ZNF420: variants seen among roughly 807,000 people sequenced by gnomAD.
ZNF420 encodes zinc finger protein 420.
In ZNF420, 31 loss-of-function variants were observed where a neutral mutation model predicts 44.7. The ratio of observed to expected loss-of-function variants is 0.69; its 90% confidence interval spans 0.52 to 0.94. ZNF420 has a LOEUF of 0.94. Among genes scored for constraint, ZNF420 ranks in the 40% least tolerant of loss-of-function variants. The pLI, the probability that ZNF420 is intolerant of heterozygous loss-of-function variation, is 0.00. For synonymous variants in ZNF420, 245 were observed against 267.4 expected (o/e 0.92, Z 0.82); for missense variants, 681 against 827.9 (o/e 0.82, Z 2.18).
At chr19:37,062,314 A>T (rs536067755) in intron 1 of ZNF420, among the ~76,000 whole-genome samples, 1 of 152,318 alleles carries the variant, frequency 6.6e-6, no homozygotes, top group East Asian at 1.9e-4. Flanking sequence ...AAAAGACATT[A>T]TATTTAAGAG....
At chr19:37,094,197 G>A (rs555823921) in intron 4 of ZNF420, among the ~76,000 whole-genome samples, 1 of 152,014 alleles carries the variant, frequency 6.6e-6, no homozygotes, top group Non-Finnish European at 1.5e-5. Flanking sequence ...TTTTTTAATT[G>A]AATGTTCACT....
At chr19:37,117,475 C>G (rs944604818) in intron 4 of ZNF420, among the ~76,000 whole-genome samples, 1 of 152,120 alleles carries the variant, frequency 6.6e-6, no homozygotes, top group Non-Finnish European at 1.5e-5. Flanking sequence ...ATCTGTACGT[C>G]ACCATCATCA....
At chr19:37,013,311 G>A (rs750247033) in intron 1 of ZNF420, among the ~76,000 whole-genome samples, 55 of 152,224 alleles carry the variant, frequency 3.6e-4, no homozygotes, top group Non-Finnish European at 7.2e-4. Context: ...GGCGCCTGTC[G>A]GCCTTGCCAA....
chr19:37,017,254 G>T lies in ZNF420; in HGVS notation c.-125+9172G>T, dbSNP rs573894965. Among the ~76,000 whole-genome samples, 5 of 152,286 alleles carry T rather than the reference G, an allele frequency of 3.3e-5. No individual in the cohort carries two copies. The South Asian group carries it at 1.0e-3, about 32-fold the overall frequency. On this transcript the variant is annotated intron_variant, in intron 1 of 4. Coordinates refer to the ZNF420 transcript ENST00000587029. ...GTGATTGGTGTCTGAAGTGAGAGTA[G>T]TCTTGTGGGACTGAGCCCCTGGCCT... is the stretch of plus-strand genomic sequence containing the variant.
chr19:37,049,872 C>T (rs1265360797), intron 1 of ZNF420, among the ~76,000 whole-genome samples: 6 of 152,078 alleles, frequency 3.9e-5, no homozygotes, highest in Non-Finnish European at 8.8e-5. Flanking sequence ...GTCTTCAATC[C>T]ATCTTGAATT....
intron 1 of ZNF420, among the ~76,000 whole-genome samples, chr19:37,013,781 G>T (rs1224349576): frequency 6.6e-6 from 1 of 152,164 alleles, no homozygotes; most frequent in Non-Finnish European, 1.5e-5. Context: ...GCCTTCTCTG[G>T]TTTCCAAAAT....
At chr19:37,027,923 A>C (rs951618679) in intron 1 of ZNF420, among the ~76,000 whole-genome samples, 4 of 152,188 alleles carry the variant, frequency 2.6e-5, no homozygotes, top group African/African-American at 9.7e-5. Context: ...TAAGTTTTCA[A>C]CTTATTTGGG....
chr19:37,090,213 A>C (rs1387099814), intron 3 of ZNF420, among the ~76,000 whole-genome samples: 2 of 152,212 alleles, frequency 1.3e-5, no homozygotes, highest in Non-Finnish European at 2.9e-5. Context: ...TGCAGAAAAT[A>C]TGTGTAGCAG....
intron 1 of ZNF420, among the ~76,000 whole-genome samples, chr19:37,059,792 CTT>C (rs759239396): frequency 2.0e-5 from 3 of 151,758 alleles, no homozygotes; most frequent in African/African-American, 2.4e-5. Context: ...GTCTCTGTCT[CTT>C]TCTCTCTCTC....
chr19:37,029,338 C>G (rs1001298960), intron 1 of ZNF420, among the ~76,000 whole-genome samples: 5 of 152,112 alleles, frequency 3.3e-5, no homozygotes, highest in Middle Eastern at 3.2e-3. Flanking sequence ...AATGCAAAGT[C>G]CTAATCAAAG....
chr19:37,073,182 G>C (rs1968087681), intron 1 of ZNF420, among the ~76,000 whole-genome samples: 2 of 152,014 alleles, frequency 1.3e-5, no homozygotes, highest in South Asian at 4.2e-4. Context: ...ACTCCAGCCT[G>C]GGTGACAGAG....
chr19:37,123,874 C>A (rs1971201515), intron 4 of ZNF420, among the ~76,000 whole-genome samples: 1 of 152,062 alleles, frequency 6.6e-6, no homozygotes, highest in Non-Finnish European at 1.5e-5. Context: ...TCCCAAAGTG[C>A]TGGTATTACA....
chr19:37,083,204 A>G (rs1410870269), intron 2 of ZNF420, among the ~76,000 whole-genome samples: 2 of 151,096 alleles, frequency 1.3e-5, no homozygotes, highest in Non-Finnish European at 2.9e-5. Context: ...TCCATCATAC[A>G]TAGTGATGTG....
At chr19:37,094,561 A>G (rs1438969431) in intron 4 of ZNF420, among the ~76,000 whole-genome samples, 1 of 152,164 alleles carries the variant, frequency 6.6e-6, no homozygotes, top group Non-Finnish European at 1.5e-5. Flanking sequence ...TCCACATACA[A>G]TATTTGGTTT....
At chr19:37,062,376 G>A (rs1486230182) in intron 1 of ZNF420, among the ~76,000 whole-genome samples, 2 of 152,196 alleles carry the variant, frequency 1.3e-5, no homozygotes, top group African/African-American at 4.8e-5. Context: ...GGAGAGGGCT[G>A]TGGACCACAA....
At chr19:37,029,015 C>T (rs1442551729) in intron 1 of ZNF420, among the ~76,000 whole-genome samples, 2 of 152,174 alleles carry the variant, frequency 1.3e-5, no homozygotes, top group African/African-American at 4.8e-5. Context: ...TTTACATTAC[C>T]TATAATTATT....
At chr19:37,091,221 T>G in intron 4 of ZNF420, 100 bp downstream of exon 4, 2 of 1,250,512 alleles carry the variant, frequency 1.6e-6, no homozygotes, top group East Asian at 2.7e-5. Flanking sequence ...ACTGAATTTC[T>G]TATTCTTTTC....
chr19:37,102,444 A>G (rs753891495), intron 4 of ZNF420, among the ~76,000 whole-genome samples: 8 of 152,226 alleles, frequency 5.3e-5, no homozygotes, highest in Non-Finnish European at 1.2e-4. Flanking sequence ...AGCAGGCATA[A>G]GAGACTCTCC....
chr19:37,099,407 C>T (rs111543542), intron 4 of ZNF420, among the ~76,000 whole-genome samples: 2,594 of 152,064 alleles, frequency 0.017, 79 homozygotes, highest in African/African-American at 0.059. Flanking sequence ...ATTGTAGCTT[C>T]GATTTGCATT....
Sources: allele counts gnomAD v4.1 joint callset (sites outside exome capture counted in the v4.1 genomes callset), GRCh38; gene constraint gnomAD v4.1.1; transcripts MANE v1.5; gene names NCBI Gene and HGNC (gene_info 2026-07-23, HGNC 2026-07-21).